The following PROS1 variants were observed in gnomAD, a reference collection of about 807,000 sequenced individuals.
The protein encoded by PROS1 is vitamin K-dependent protein S.
Under a neutral mutation model 75.9 loss-of-function variants are expected in PROS1, and 29 were observed. That is an observed-to-expected ratio of 0.38 (90% confidence interval 0.28 to 0.52). PROS1 has a LOEUF of 0.52. Ranked by LOEUF, PROS1 falls within the 20% of genes least tolerant of loss-of-function variation. The pLI, the probability that PROS1 is intolerant of heterozygous loss-of-function variation, is 0.83. For missense variants in PROS1, 680 were observed against 810.3 expected, an observed-to-expected ratio of 0.84 and a Z score of 1.95; for synonymous variants, 245 against 280.6, an observed-to-expected ratio of 0.87 and a Z score of 1.27.
intron 1 of PROS1, among the ~76,000 whole-genome samples, chr3:93,934,172 G>T (rs1185333172): frequency 6.7e-6 from 1 of 149,832 alleles, no homozygotes; most frequent in Non-Finnish European, 1.5e-5. Flanking sequence ...AGAGCAAGAC[G>T]CCATCACATT....
chr3:93,891,282 T>C (rs1265764828), intron 10 of PROS1, among the ~76,000 whole-genome samples: 1 of 152,114 alleles, frequency 6.6e-6, no homozygotes, highest in East Asian at 1.9e-4. Context: ...GACTCTATAC[T>C]TCAGAAAAGA....
intron 4 of PROS1, among the ~76,000 whole-genome samples, chr3:93,910,172 C>A (rs538155349): frequency 6.6e-6 from 1 of 152,272 alleles, no homozygotes; most frequent in South Asian, 2.1e-4. Context: ...TATCATTAGG[C>A]CCCTTGTGAA....
At chr3:93,899,640 A>T (rs1708556626) in intron 7 of PROS1, among the ~76,000 whole-genome samples, 1 of 152,270 alleles carries the variant, frequency 6.6e-6, no homozygotes, top group Admixed American at 6.5e-5. Context: ...ATTTTTGGTG[A>T]TTGCAAAAGG....
At chr3:93,897,425 ATT>A in intron 8 of PROS1, among the ~76,000 whole-genome samples, 1 of 152,186 alleles carries the variant, frequency 6.6e-6, no homozygotes, top group South Asian at 2.1e-4. Flanking sequence ...CAGAAATAAC[ATT>A]TTATTTCCCC....
In PROS1 at chr3:93,893,020, A is replaced by C; in HGVS notation, c.1068T>G (p.Gly356=). 1.9e-6 allele frequency: 3 copies of C among 1,613,880 alleles called. No individual in the cohort carries two copies. The highest frequency in any genetic ancestry group is 1.7e-6 in the Non-Finnish European group (2 of 1,179,932). Residue 356 remains glycine, a synonymous_variant, in exon 10 of 15, where the codon GGT becomes GGG. Coordinates refer to ENST00000394236, the MANE Select transcript of PROS1 (RefSeq NM_000313.4). ...HSAWLLIALR[G]GKIEVQLKNE... ...TCTTAAGCTGAACTTCAATCTTTCC[A>C]CCACGAAGTGCAATCAGGAGCCACG... is the stretch of plus-strand genomic sequence containing the variant.
intron 1 of PROS1, among the ~76,000 whole-genome samples, chr3:93,946,637 C>A (rs1448218836): frequency 6.6e-6 from 1 of 151,990 alleles, no homozygotes; most frequent in East Asian, 1.9e-4. Context: ...CTTCCTTACA[C>A]CTTATACAAA....
intron 1 of PROS1, among the ~76,000 whole-genome samples, chr3:93,970,054 T>C (rs1366337063): frequency 6.6e-6 from 1 of 152,190 alleles, no homozygotes; most frequent in Admixed American, 6.5e-5. Flanking sequence ...CTAACCTTGA[T>C]AAAATCTCTC....
At chr3:93,917,269 GTTTT>G (rs1042913523) in intron 3 of PROS1, among the ~76,000 whole-genome samples, 2 of 123,226 alleles carry the variant, frequency 1.6e-5, no homozygotes, top group South Asian at 2.7e-4. Flanking sequence ...TGTGGTTTTT[GTTTT>G]TTTGTTTGTT....
At chr3:93,901,277 A>T (rs111944226) in intron 6 of PROS1, among the ~76,000 whole-genome samples, 2 of 152,334 alleles carry the variant, frequency 1.3e-5, no homozygotes, top group African/African-American at 4.8e-5. Context: ...TTTTTTGTAC[A>T]TGGGAAGGCT....
intron 1 of PROS1, among the ~76,000 whole-genome samples, chr3:93,960,130 CATTG>C (rs1393763238): frequency 1.3e-5 from 2 of 151,268 alleles, no homozygotes; most frequent in South Asian, 2.1e-4. Flanking sequence ...CCATGTGCTT[CATTG>C]AGTTTTAACT....
At chr3:93,917,269 G>GT (rs1042913523) in intron 3 of PROS1, among the ~76,000 whole-genome samples, 8 of 123,226 alleles carry the variant, frequency 6.5e-5, no homozygotes, top group Non-Finnish European at 1.1e-4. Context: ...TGTGGTTTTT[G>GT]TTTTTTTGTT....
At position 93,874,309 on chromosome 3, in the gene PROS1, G is replaced by T; in HGVS notation, c.1967C>A (p.Ser656Tyr). ...GTGAGCTCTAATATCATTATGTTTA[G>T]AAATGGCTTCATCCAGATCCAACTG... Reference protein sequence around the residue: ...GVQLDLDEAISKHNDIRAHSC... With the variant: ...GVQLDLDEAIYKHNDIRAHSC... Residue 656 changes from serine (S) to tyrosine (Y), a missense_variant, in exon 15 of 15, where the codon TCT (serine) becomes TAT (tyrosine). Ser to Tyr is a moderately radical substitution (Grantham distance 144). Coordinates refer to ENST00000394236, the MANE Select transcript of PROS1 (RefSeq NM_000313.4). 6.2e-7 allele frequency: 1 copy of T among 1,613,454 alleles called. No homozygotes were observed.
chr3:93,890,608 A>C (rs576255420), intron 10 of PROS1, among the ~76,000 whole-genome samples: 3 of 152,102 alleles, frequency 2.0e-5, no homozygotes, highest in Non-Finnish European at 4.4e-5. Flanking sequence ...TTTATTTCTC[A>C]GCCAGCCGAC....
rs1709136636 is a variant in PROS1, at chr3:93,933,496, G to A, written c.77-6089C>T. Among the ~76,000 whole-genome samples the A allele has an allele frequency of 2.0e-5, 3 of 151,468 alleles. No individual in the cohort carries two copies. The South Asian group carries it at 6.3e-4, about 32-fold the overall frequency. On this transcript the variant is annotated intron_variant, in intron 1 of 14. Transcript: ENST00000394236. ...AGGCTGAGGCTGAAGGATCGCTTGA[G>A]CCCAGAAGGTTGAGGTACAGGGAGC...
intron 14 of PROS1, among the ~76,000 whole-genome samples, chr3:93,874,913 T>C (rs556105393): frequency 8.5e-5 from 13 of 152,270 alleles, no homozygotes; most frequent in African/African-American, 3.1e-4. Context: ...CAATAGGTCA[T>C]GATACAGGAT....
At chr3:93,952,586 G>C (rs1478541556) in intron 1 of PROS1, among the ~76,000 whole-genome samples, 2 of 152,230 alleles carry the variant, frequency 1.3e-5, no homozygotes, top group Non-Finnish European at 2.9e-5. Context: ...GCAGTGTGTA[G>C]AGGGAAATTT....
intron 3 of PROS1, among the ~76,000 whole-genome samples, chr3:93,912,458 GA>G (rs1466974342): frequency 6.6e-6 from 1 of 152,160 alleles, no homozygotes; most frequent in Admixed American, 6.5e-5. Context: ...CTGGGGCGGG[GA>G]GGGGCAGGCA....
chr3:93,960,041 T>C (rs769299695), intron 1 of PROS1, among the ~76,000 whole-genome samples: 1 of 152,232 alleles, frequency 6.6e-6, no homozygotes, highest in Non-Finnish European at 1.5e-5. Flanking sequence ...TAAGTATTTA[T>C]ACTTCTCTTA....
intron 1 of PROS1, among the ~76,000 whole-genome samples, chr3:93,969,145 T>C (rs1389310535): frequency 1.4e-5 from 2 of 143,926 alleles, no homozygotes; most frequent in African/African-American, 5.2e-5. Context: ...TTTTTTTGCA[T>C]ATAAGATGTG....
Sources: gnomAD v4.1 joint callset for allele counts (sites outside exome capture counted in the v4.1 genomes callset) on GRCh38, gnomAD v4.1.1 for gene constraint, MANE v1.5 for transcripts, NCBI Gene and HGNC (gene_info 2026-07-23, HGNC 2026-07-21) for gene names.